GIPC2: variants seen among roughly 807,000 people sequenced by gnomAD.
The protein encoded by GIPC2 is PDZ domain-containing protein GIPC2.
A neutral mutation model predicts 30.6 loss-of-function variants in GIPC2; 30 were observed. The ratio of observed to expected loss-of-function variants is 0.98; its 90% CI spans 0.73 to 1.33. The LOEUF (loss-of-function observed/expected upper bound fraction) is 1.33. Among genes scored for constraint, GIPC2 ranks in the 40% most tolerant of loss-of-function variants. The pLI is 0.00. For synonymous variants in GIPC2, 167 were observed against 150.0 expected (o/e 1.11, Z -0.83); for missense variants, 414 against 390.3 (o/e 1.06, Z -0.51).
At chr1:78,062,411 T>C (rs1260030274) in intron 1 of GIPC2, among the ~76,000 whole-genome samples, 2 of 152,130 alleles carry the variant, frequency 1.3e-5, no homozygotes, top group Non-Finnish European at 2.9e-5. Context: ...CCCCTTCCTT[T>C]CTCCATTTTC....
chr1:78,066,389 T>C (rs1366291519), intron 1 of GIPC2, among the ~76,000 whole-genome samples: 1 of 152,192 alleles, frequency 6.6e-6, no homozygotes, highest in African/African-American at 2.4e-5. Context: ...AAATAACAGA[T>C]GCTGGTAAGA....
intron 3 of GIPC2, among the ~76,000 whole-genome samples, chr1:78,101,757 G>C (rs1037462579): frequency 6.6e-6 from 1 of 152,094 alleles, no homozygotes; most frequent in Non-Finnish European, 1.5e-5. Flanking sequence ...GTATTTTTTA[G>C]GGCATGGCTC....
At chr1:78,055,113 C>T (rs142923756) in intron 1 of GIPC2, among the ~76,000 whole-genome samples, 110 of 152,272 alleles carry the variant, frequency 7.2e-4, no homozygotes, top group African/African-American at 2.5e-3. Flanking sequence ...ATTGATGTGC[C>T]GGCCATGTGG....
chr1:78,063,748 G>C (rs1214491855), intron 1 of GIPC2, among the ~76,000 whole-genome samples: 1 of 151,680 alleles, frequency 6.6e-6, no homozygotes, highest in East Asian at 1.9e-4. Context: ...GCCGGGTGTG[G>C]TGGTGCATGC....
intron 1 of GIPC2, among the ~76,000 whole-genome samples, chr1:78,068,187 G>C (rs1382229824): frequency 2.8e-5 from 3 of 107,242 alleles, no homozygotes; most frequent in African/African-American, 8.7e-5. Context: ...TCTAGGCATA[G>C]AGAGTACCTG....
At chr1:78,099,449 T>G (rs1363239952) in intron 3 of GIPC2, among the ~76,000 whole-genome samples, 1 of 151,654 alleles carries the variant, frequency 6.6e-6, no homozygotes, top group Non-Finnish European at 1.5e-5. Flanking sequence ...CTTTCTTTTT[T>G]TTTTTTTGAG....
intron 4 of GIPC2, among the ~76,000 whole-genome samples, chr1:78,125,125 G>A (rs1219708257): frequency 1.3e-5 from 2 of 152,104 alleles, no homozygotes; most frequent in African/African-American, 4.8e-5. Context: ...CGTCATCCTG[G>A]GCTCAAGTGA....
chr1:78,048,966 CT>C (rs1557524039), intron 1 of GIPC2, among the ~76,000 whole-genome samples: 2 of 152,136 alleles, frequency 1.3e-5, no homozygotes, highest in Non-Finnish European at 2.9e-5. Context: ...AGTTTTCCAT[CT>C]GGATTAGAAA....
intron 4 of GIPC2, among the ~76,000 whole-genome samples, chr1:78,124,088 T>C (rs1490721829): frequency 2.0e-5 from 3 of 152,226 alleles, no homozygotes; most frequent in Non-Finnish European, 4.4e-5. Context: ...ATAATCTAAA[T>C]AATGAATTCT....
At chr1:78,102,903 T>C (rs1662274170) in intron 3 of GIPC2, among the ~76,000 whole-genome samples, 1 of 152,240 alleles carries the variant, frequency 6.6e-6, no homozygotes, top group Non-Finnish European at 1.5e-5. Flanking sequence ...TGTTGAGAAC[T>C]CTGGCACTGT....
chr1:78,135,597 A>G lies in GIPC2; in HGVS notation c.802A>G (p.Thr268Ala), dbSNP rs547623490. Residue 268 changes from threonine (T) to alanine (A), a missense_variant, in exon 6 of 6, where the codon ACA (threonine) becomes GCA (alanine). By Grantham distance (58) the Thr-to-Ala change is moderately conservative (BLOSUM62 0). Transcript: ENST00000370759. ...MGIRDIDLAT[T>A]MFEAGKDKVN... is the part of the protein sequence containing the mutation. Reference sequence around the variant, plus strand: ...TTTAATATTATTTTTGATAGCCACCACAATGTTTGAAGCTGGAAAGGACAA... The same window carrying G: ...TTTAATATTATTTTTGATAGCCACCGCAATGTTTGAAGCTGGAAAGGACAA... 1.4e-5 allele frequency: 21 copies of G among 1,554,558 alleles called. No homozygotes were observed. In the East Asian group the frequency reaches 4.3e-4, roughly 32 times the overall value.
At chr1:78,124,520 C>A (rs573952) in intron 4 of GIPC2, among the ~76,000 whole-genome samples, 120,488 of 152,100 alleles carry the variant, frequency 0.79, 48,127 homozygotes, top group Non-Finnish European at 0.85. Context: ...TGGCCTGCAC[C>A]ATAAAGACCA....
At chr1:78,075,953 C>T (rs568596913) in intron 1 of GIPC2, among the ~76,000 whole-genome samples, 30 of 152,198 alleles carry the variant, frequency 2.0e-4, no homozygotes, top group Non-Finnish European at 3.8e-4. Context: ...CTCATGTCAG[C>T]GTTGTTGCCA....
At chr1:78,119,749 A>T (rs1246194817) in intron 4 of GIPC2, among the ~76,000 whole-genome samples, 1 of 152,204 alleles carries the variant, frequency 6.6e-6, no homozygotes, top group Admixed American at 6.5e-5. Context: ...CAAAAACTTA[A>T]GTCAACCAAA....
At chr1:78,076,915 C>T (rs1661727038) in intron 1 of GIPC2, among the ~76,000 whole-genome samples, 1 of 152,030 alleles carries the variant, frequency 6.6e-6, no homozygotes, top group Non-Finnish European at 1.5e-5. Context: ...ATTACAGGCA[C>T]CTGCCACCAT....
chr1:78,045,582 C>T (rs1661052233), upstream of GIPC2: 2 of 985,488 alleles, frequency 2.0e-6, no homozygotes, highest in South Asian at 4.7e-5. Flanking sequence ...ATGTGACTTT[C>T]TCTTCCAATT....
intron 1 of GIPC2, among the ~76,000 whole-genome samples, chr1:78,066,385 CAG>C (rs1293539810): frequency 6.6e-6 from 1 of 152,140 alleles, no homozygotes; most frequent in Non-Finnish European, 1.5e-5. Flanking sequence ...CAAAAAATAA[CAG>C]ATGCTGGTAA....
rs1246916746 is a variant in GIPC2 at position 78,051,260 on chromosome 1, C to CA, written c.240+4934dup. On this transcript the variant is annotated intron_variant, in intron 1 of 5. Transcript: ENST00000370759. ...AAGAATAACAAAGAAATATTATTAA[C>CA]AAAAAAAAGATAAATTTTATAGTTA... is the stretch of plus-strand genomic sequence containing the variant. Among the ~76,000 whole-genome samples, 15 of 150,682 alleles carry CA rather than the reference C, an allele frequency of 1.0e-4. No homozygotes were observed. In the East Asian group the frequency reaches 2.7e-3, roughly 27 times the overall value.
At chr1:78,067,910 G>A (rs919960384) in intron 1 of GIPC2, among the ~76,000 whole-genome samples, 2 of 151,976 alleles carry the variant, frequency 1.3e-5, no homozygotes, top group Non-Finnish European at 2.9e-5. Context: ...TAACTAACCC[G>A]GACTCTCTGT....
Sources: gnomAD v4.1 joint callset for allele counts (sites outside exome capture counted in the v4.1 genomes callset) on GRCh38, gnomAD v4.1.1 for gene constraint, MANE v1.5 for transcripts, NCBI Gene and HGNC (gene_info 2026-07-23, HGNC 2026-07-21) for gene names.